FHIP1A: variants seen among roughly 807,000 people sequenced by gnomAD.
FHIP1A encodes FHF complex subunit HOOK-interacting protein 1A.
Under a neutral mutation model 88.6 loss-of-function variants are expected in FHIP1A, and 61 were observed. The ratio of observed to expected loss-of-function variants is 0.69; its 90% confidence interval spans 0.56 to 0.85. FHIP1A has a LOEUF of 0.85. FHIP1A is among the 40% of genes least tolerant of loss of function. The pLI, the probability that FHIP1A is intolerant of heterozygous loss-of-function variation, is 0.00. For synonymous variants in FHIP1A, 478 were observed against 496.0 expected (o/e 0.96, Z 0.48); for missense variants, 1,154 against 1,273.5 (o/e 0.91, Z 1.43).
At chr4:151,478,804 T>A (rs960784755) in intron 2 of FHIP1A, among the ~76,000 whole-genome samples, 2 of 152,124 alleles carry the variant, frequency 1.3e-5, no homozygotes, top group African/African-American at 4.8e-5. Flanking sequence ...TATGAGTAGT[T>A]GTCACATTGG....
intron 8 of FHIP1A, 51 bp downstream of exon 8, chr4:151,629,920 G>T: frequency 7.0e-7 from 1 of 1,418,678 alleles, no homozygotes; most frequent in Non-Finnish European, 9.5e-7. Context: ...CAGATTTCAG[G>T]AGAGTTTTTT....
At position 151,646,580 on chromosome 4, in the gene FHIP1A, ATGATGCTGAGTCAGAGG is replaced by A. The variant is rs1736802278; in HGVS notation, c.1252_1268del (p.Met418GlyfsTer47). 1.3e-6 allele frequency: 2 copies of A among 1,551,494 alleles called. No homozygotes were observed. The highest frequency in any genetic ancestry group is 1.7e-6 in the Non-Finnish European group (2 of 1,146,864). ...TAGGTATCTGATCCCCTGCAATCAC[ATGATGCTGAGTCAGAGG>A]TGGGCTGTGAAGGAGAGAGACTGTT... On this transcript the variant is annotated frameshift_variant, in exon 10 of 14. Transcript: ENST00000435205. LOFTEE classifies it high-confidence loss of function.
In FHIP1A at chr4:151,561,357, T is replaced by C. The variant is rs183462275; in HGVS notation, c.-122-4781T>C. ...TCCAGAAGAATAGGGGGCTATTAGATGCTTGCTTTATTTTTCGCAGTCCAG... is the reference window on the plus strand; with the variant it reads ...TCCAGAAGAATAGGGGGCTATTAGACGCTTGCTTTATTTTTCGCAGTCCAG... On this transcript the variant is annotated intron_variant, in intron 3 of 13. Coordinates refer to ENST00000435205, the MANE Select transcript of FHIP1A (RefSeq NM_001109977.3). Among the ~76,000 whole-genome samples, 400 of 152,312 alleles carry C rather than the reference T, an allele frequency of 2.6e-3. 11 individuals are homozygous for C. Among genetic ancestry groups the C allele is most frequent in the Admixed American group, 0.025 (375 of 15,294 alleles).
In FHIP1A at chr4:151,668,694, A is replaced by C. The variant is rs1299783207; in HGVS notation, c.*5940A>C. On this transcript the variant is annotated 3_prime_UTR_variant, in exon 14 of 14. Transcript: ENST00000435205. Reference sequence around the variant, plus strand: ...AGGGCCCCACAAAAGGCTGTCCATTAATTTGTTTCATACAGTAAGCGAGCT... The same window carrying C: ...AGGGCCCCACAAAAGGCTGTCCATTCATTTGTTTCATACAGTAAGCGAGCT... Among the ~76,000 whole-genome samples the C allele has an allele frequency of 6.6e-6, 1 of 152,194 alleles. No individual in the cohort carries two copies. Among genetic ancestry groups the C allele is most frequent in the Non-Finnish European group, 1.5e-5 (1 of 68,038 alleles).
At chr4:151,561,962 A>G (rs1733189749) in intron 3 of FHIP1A, among the ~76,000 whole-genome samples, 2 of 152,180 alleles carry the variant, frequency 1.3e-5, no homozygotes, top group Non-Finnish European at 2.9e-5. Context: ...TAAAGTACAT[A>G]AAATAATGAC....
chr4:151,468,858 A>G (rs990295774), intron 2 of FHIP1A, among the ~76,000 whole-genome samples: 9 of 152,160 alleles, frequency 5.9e-5, no homozygotes, highest in Non-Finnish European at 1.2e-4. Context: ...CTATGTAATC[A>G]TGATCATCTG....
chr4:151,617,672 G>A (rs888935236), intron 7 of FHIP1A, among the ~76,000 whole-genome samples: 14 of 152,110 alleles, frequency 9.2e-5, no homozygotes, highest in Admixed American at 3.3e-4. Context: ...GATCACTTGA[G>A]GTCAGGAGTT....
chr4:151,542,171 C>T (rs974073348), intron 3 of FHIP1A, among the ~76,000 whole-genome samples: 3 of 152,056 alleles, frequency 2.0e-5, no homozygotes, highest in Non-Finnish European at 4.4e-5. Context: ...GGTTGTGTGA[C>T]GAGAACCCAG....
intron 1 of FHIP1A, among the ~76,000 whole-genome samples, chr4:151,412,575 T>C (rs532866756): frequency 0.31 from 41,896 of 133,700 alleles, 7,375 homozygotes; most frequent in Non-Finnish European, 0.41. Context: ...TCTTTCTTTC[T>C]TTCCTTTCTT....
At chr4:151,429,848 CAAAAAAAAA>C (rs34699507) in intron 1 of FHIP1A, among the ~76,000 whole-genome samples, 4 of 105,566 alleles carry the variant, frequency 3.8e-5, no homozygotes, top group African/African-American at 1.4e-4. Flanking sequence ...GACTCTATCT[CAAAAAAAAA>C]AAAAAAAAAA....
At chr4:151,523,020 A>G (rs1731501520) in intron 3 of FHIP1A, among the ~76,000 whole-genome samples, 1 of 152,196 alleles carries the variant, frequency 6.6e-6, no homozygotes, top group Non-Finnish European at 1.5e-5. Context: ...ACTGTAGTAT[A>G]GGCATGTTAA....
chr4:151,543,674 CT>C (rs1194631795), intron 3 of FHIP1A, among the ~76,000 whole-genome samples: 1 of 152,118 alleles, frequency 6.6e-6, no homozygotes, highest in Non-Finnish European at 1.5e-5. Context: ...AATTTTGCAT[CT>C]TGCTTTTTTT....
At chr4:151,549,560 A>C (rs2126741637) in intron 3 of FHIP1A, among the ~76,000 whole-genome samples, 1 of 152,108 alleles carries the variant, frequency 6.6e-6, no homozygotes, top group South Asian at 2.1e-4. Context: ...AGCTCTGGGA[A>C]TTACCCATGC....
intron 3 of FHIP1A, among the ~76,000 whole-genome samples, chr4:151,499,574 A>G (rs576899977): frequency 1.3e-5 from 2 of 152,206 alleles, no homozygotes; most frequent in Non-Finnish European, 2.9e-5. Flanking sequence ...ATGCCAGTTG[A>G]ACTTATGTCT....
chr4:151,524,688 A>G (rs1438303128), intron 3 of FHIP1A, among the ~76,000 whole-genome samples: 2 of 152,228 alleles, frequency 1.3e-5, no homozygotes, highest in East Asian at 3.8e-4. Context: ...GAAGCACTTT[A>G]TCAGTTTTAA....
At chr4:151,446,135 G>C (rs190361916) in intron 1 of FHIP1A, among the ~76,000 whole-genome samples, 1 of 151,862 alleles carries the variant, frequency 6.6e-6, no homozygotes, top group African/African-American at 2.4e-5. Context: ...GAAATTGTCT[G>C]TGGCTCCCCA....
At chr4:151,469,734 TTAGATA>T (rs1729444746) in intron 2 of FHIP1A, among the ~76,000 whole-genome samples, 1 of 152,198 alleles carries the variant, frequency 6.6e-6, no homozygotes, top group Non-Finnish European at 1.5e-5. Context: ...AAAACAAAAC[TTAGATA>T]TAGATATAAT....
chr4:151,504,278 CTG>C (rs1247131355), intron 3 of FHIP1A, among the ~76,000 whole-genome samples: 3 of 152,224 alleles, frequency 2.0e-5, no homozygotes, highest in African/African-American at 7.2e-5. Flanking sequence ...CATTTCCACA[CTG>C]AGATTTTTTT....
chr4:151,658,860 G>A (rs903675950), intron 13 of FHIP1A, among the ~76,000 whole-genome samples: 4 of 152,126 alleles, frequency 2.6e-5, no homozygotes, highest in South Asian at 2.1e-4. Flanking sequence ...AAAATTAGAG[G>A]TCCAGGGTAT....
Sources: allele counts gnomAD v4.1 joint callset (sites outside exome capture counted in the v4.1 genomes callset), GRCh38; gene constraint gnomAD v4.1.1; transcripts MANE v1.5; gene names NCBI Gene and HGNC (gene_info 2026-07-23, HGNC 2026-07-21).